The following ADORA2B variants were observed in gnomAD, a reference collection of about 807,000 sequenced individuals.
ADORA2B encodes adenosine receptor A2b.
ADORA2B carries 18 observed loss-of-function variants against 20.8 expected under a neutral mutation model. That is an observed-to-expected ratio of 0.87 (90% CI 0.60 to 1.29). ADORA2B has a LOEUF of 1.29. Ranked by LOEUF, ADORA2B falls within the 50% of genes most tolerant of loss-of-function variation. The pLI, the probability that ADORA2B is intolerant of heterozygous loss-of-function variation, is 0.00. For synonymous variants in ADORA2B, 179 were observed against 178.3 expected, an observed-to-expected ratio of 1.00 and a Z score of -0.03; for missense variants, 441 against 422.7, an observed-to-expected ratio of 1.04 and a Z score of -0.38.
chr17:15,965,543 G>A (rs925052831), intron 1 of ADORA2B, among the ~76,000 whole-genome samples: 25 of 152,332 alleles, frequency 1.6e-4, no homozygotes, highest in Non-Finnish European at 3.4e-4. Context: ...TAATTCACGC[G>A]TGGCAGGTGG....
the ADORA2B span, among the ~76,000 whole-genome samples, chr17:15,897,100 C>G: frequency 0.33 from 49,908 of 151,884 alleles, 8,888 homozygotes; most frequent in African/African-American, 0.46. Context: ...AGGATAGAAA[C>G]AATGGAGTGG....
chr17:15,862,917 T>C, the ADORA2B span, among the ~76,000 whole-genome samples: 1 of 152,046 alleles, frequency 6.6e-6, no homozygotes, highest in South Asian at 2.1e-4. Flanking sequence ...TTAATACATA[T>C]TATCATTACT....
intron 1 of ADORA2B, 27 bp from the exon 2 acceptor site, chr17:15,974,652 C>G (rs547618661): frequency 2.1e-5 from 34 of 1,594,910 alleles, no homozygotes; most frequent in Middle Eastern, 3.4e-4. Flanking sequence ...ATAAACTGAC[C>G]GTAACAGATG....
the ADORA2B span, among the ~76,000 whole-genome samples, chr17:15,931,074 TG>T: frequency 1.1e-4 from 17 of 152,144 alleles, no homozygotes; most frequent in Non-Finnish European, 2.1e-4. Flanking sequence ...CCCAGTGTTT[TG>T]GGAGGCTGAG....
At chr17:15,915,269 GC>G in the ADORA2B span, among the ~76,000 whole-genome samples, 1 of 152,324 alleles carries the variant, frequency 6.6e-6, no homozygotes, top group Admixed American at 6.5e-5. Flanking sequence ...GTTCTCTGCT[GC>G]TGCGAAAGGC....
At chr17:15,915,439 A>G in the ADORA2B span, among the ~76,000 whole-genome samples, 16 of 152,160 alleles carry the variant, frequency 1.1e-4, no homozygotes, top group African/African-American at 2.9e-4. Flanking sequence ...AGGAGTGGAC[A>G]TCTCTGGGGA....
At chr17:15,954,462 A>G (rs940935148) in intron 1 of ADORA2B, among the ~76,000 whole-genome samples, 1 of 152,224 alleles carries the variant, frequency 6.6e-6, no homozygotes, top group Non-Finnish European at 1.5e-5. Context: ...CCCCTTTGCT[A>G]TGTGTGCCAC....
the ADORA2B span, among the ~76,000 whole-genome samples, chr17:15,907,291 G>T: frequency 6.6e-6 from 1 of 151,924 alleles, no homozygotes; most frequent in Non-Finnish European, 1.5e-5. Context: ...CATGACTAAT[G>T]ATATGCTGAT....
chr17:15,858,281 A>G, the ADORA2B span, among the ~76,000 whole-genome samples: 1 of 151,904 alleles, frequency 6.6e-6, no homozygotes, highest in African/African-American at 2.4e-5. Flanking sequence ...CTGGGTTTTG[A>G]TGATGGCCTT....
At chr17:15,899,010 A>G in the ADORA2B span, among the ~76,000 whole-genome samples, 2 of 152,046 alleles carry the variant, frequency 1.3e-5, no homozygotes, top group Non-Finnish European at 2.9e-5. Flanking sequence ...TGGGCAGATC[A>G]CTTGAGTCCA....
At chr17:15,853,132 T>C in the ADORA2B span, among the ~76,000 whole-genome samples, 1 of 152,004 alleles carries the variant, frequency 6.6e-6, no homozygotes, top group Non-Finnish European at 1.5e-5. Context: ...AAAGAAACCT[T>C]AATATCAAAG....
the ADORA2B span, among the ~76,000 whole-genome samples, chr17:15,912,138 C>T: frequency 6.7e-6 from 1 of 149,104 alleles, no homozygotes; most frequent in African/African-American, 2.5e-5. Context: ...TCGCTTGAAC[C>T]TGGGAGGTGG....
the ADORA2B span, among the ~76,000 whole-genome samples, chr17:15,879,230 C>T: frequency 6.6e-6 from 1 of 152,006 alleles, no homozygotes; most frequent in African/African-American, 2.4e-5. Context: ...GTGGGAGAAT[C>T]GCTTGAGGCC....
At chr17:15,891,410 G>A in the ADORA2B span, among the ~76,000 whole-genome samples, 2 of 152,238 alleles carry the variant, frequency 1.3e-5, no homozygotes, top group African/African-American at 4.8e-5. Flanking sequence ...TTATGTGTGC[G>A]TTTGCTTTGT....
chr17:15,949,839 C>T (rs1292034715), intron 1 of ADORA2B, among the ~76,000 whole-genome samples: 1 of 152,056 alleles, frequency 6.6e-6, no homozygotes, highest in South Asian at 2.1e-4. Flanking sequence ...GTGACAATAG[C>T]GAAACTCTGT....
At chr17:15,964,486 G>A (rs1451796645) in intron 1 of ADORA2B, among the ~76,000 whole-genome samples, 3 of 151,376 alleles carry the variant, frequency 2.0e-5, no homozygotes, top group African/African-American at 7.3e-5. Flanking sequence ...GCAGGCGCCT[G>A]TAATCCCAGC....
chr17:15,920,203 G>A, the ADORA2B span, among the ~76,000 whole-genome samples: 1 of 152,012 alleles, frequency 6.6e-6, no homozygotes, highest in Non-Finnish European at 1.5e-5. Flanking sequence ...TAATAGACAC[G>A]GGAGACACAG....
the ADORA2B span, among the ~76,000 whole-genome samples, chr17:15,909,572 C>CGTT: frequency 0.32 from 48,820 of 151,848 alleles, 8,538 homozygotes; most frequent in African/African-American, 0.46. Flanking sequence ...TCACGGTCCT[C>CGTT]GTCTTTGACC....
the ADORA2B span, among the ~76,000 whole-genome samples, chr17:15,850,915 C>T: frequency 1.3e-5 from 2 of 152,196 alleles, no homozygotes; most frequent in Middle Eastern, 3.4e-3. Flanking sequence ...CATCTTTTGT[C>T]GGTAACAGGG....
Sources: allele counts gnomAD v4.1 joint callset (sites outside exome capture counted in the v4.1 genomes callset), GRCh38; gene constraint gnomAD v4.1.1; transcripts MANE v1.5; gene names NCBI Gene and HGNC (gene_info 2026-07-23, HGNC 2026-07-21).